The following AKAP6 variants were observed in gnomAD, a reference collection of about 807,000 sequenced individuals.
The protein encoded by AKAP6 is A-kinase anchoring protein 6, also known as A-kinase anchor protein 6.
A neutral mutation model predicts 188.5 loss-of-function variants in AKAP6; 58 were observed. The ratio of observed to expected loss-of-function variants is 0.31; its 90% CI spans 0.25 to 0.38. AKAP6 has a LOEUF of 0.38. Ranked by LOEUF, AKAP6 falls within the 10% of genes least tolerant of loss-of-function variation. The pLI is 1.00. For synonymous variants in AKAP6, 989 were observed against 998.6 expected (o/e 0.99, Z 0.18); for missense variants, 2,710 against 2,740.0 (o/e 0.99, Z 0.24).
At chr14:32,387,732 G>A (rs903234148) in intron 1 of AKAP6, among the ~76,000 whole-genome samples, 2 of 150,738 alleles carry the variant, frequency 1.3e-5, no homozygotes, top group Non-Finnish European at 3.0e-5. Context: ...AGATGTTGTT[G>A]GATTCAGTTA....
At chr14:32,494,322 G>A (rs1880195753) in intron 2 of AKAP6, 1 of 152,284 alleles carries the variant, frequency 6.6e-6, no homozygotes, top group South Asian at 2.1e-4. Context: ...AATTTATCCT[G>A]TGTTACTTCT....
intron 5 of AKAP6, among the ~76,000 whole-genome samples, chr14:32,581,479 G>T (rs1884963252): frequency 6.6e-6 from 1 of 152,090 alleles, no homozygotes; most frequent in Non-Finnish European, 1.5e-5. Flanking sequence ...TGTTGATTTG[G>T]GGTGGAGAGT....
chr14:32,695,561 G>A (rs1383923260), intron 8 of AKAP6, among the ~76,000 whole-genome samples: 1 of 152,070 alleles, frequency 6.6e-6, no homozygotes, highest in East Asian at 1.9e-4. Flanking sequence ...ATCTAGTAGA[G>A]GGGAAAGGGG....
intron 2 of AKAP6, among the ~76,000 whole-genome samples, chr14:32,440,807 T>C (rs1232423866): frequency 6.6e-6 from 1 of 152,230 alleles, no homozygotes; most frequent in African/African-American, 2.4e-5. Flanking sequence ...ATGAGGATGG[T>C]AACATTTATT....
chr14:32,692,259 TA>T (rs1467175491), intron 8 of AKAP6, among the ~76,000 whole-genome samples: 9 of 152,104 alleles, frequency 5.9e-5, no homozygotes, highest in Non-Finnish European at 1.3e-4. Context: ...ATAAGGAGAA[TA>T]ATAGAAGGAA....
chr14:32,790,272 A>G (rs1408371600), intron 12 of AKAP6, among the ~76,000 whole-genome samples: 1 of 152,192 alleles, frequency 6.6e-6, no homozygotes, highest in African/African-American at 2.4e-5. Context: ...AGACAGGGAG[A>G]ATGGAACCAA....
Position 32,821,955 on chromosome 14 carries a change from G to C in AKAP6, c.4142G>C (p.Cys1381Ser), listed in dbSNP as rs1566735783. Residue 1381 changes from cysteine to serine, a missense_variant, in exon 13 of 14, where the codon TGC (cysteine) becomes TCC (serine). Physicochemically the swap from Cys to Ser is moderately radical, Grantham distance 112. Around this residue, in one of 2 missense-constraint regions of AKAP6, gnomAD observed 2,473 missense variants for 2,426.1 expected, o/e 1.02. Coordinates refer to ENST00000280979, the MANE Select transcript of AKAP6 (RefSeq NM_004274.5). ...DTETTTNSEM[C>S]LLNAVDGSPS... ...GAAACCACTACCAACTCTGAAATGT[G>C]CTTGCTCAATGCAGTGGATGGGTCC... 2 of 1,613,932 alleles carry C rather than the reference G, an allele frequency of 1.2e-6. No homozygotes were observed. Among genetic ancestry groups the C allele is most frequent in the Admixed American group, 3.3e-5 (2 of 59,950 alleles).
At chr14:32,652,959 G>C (rs1888295202) in intron 7 of AKAP6, among the ~76,000 whole-genome samples, 1 of 152,128 alleles carries the variant, frequency 6.6e-6, no homozygotes, top group Non-Finnish European at 1.5e-5. Context: ...AGGCTGAGGT[G>C]GGAGGGTCAC....
At chr14:32,693,022 G>C (rs964627970) in intron 8 of AKAP6, among the ~76,000 whole-genome samples, 2 of 152,018 alleles carry the variant, frequency 1.3e-5, no homozygotes, top group African/African-American at 4.8e-5. Flanking sequence ...TTTTCTATTT[G>C]TCTCCATTCT....
intron 2 of AKAP6, among the ~76,000 whole-genome samples, chr14:32,466,422 T>C (rs1400005480): frequency 6.6e-6 from 1 of 152,158 alleles, no homozygotes; most frequent in Non-Finnish European, 1.5e-5. Context: ...TCATGTCCTT[T>C]GCAGGGACAT....
At chr14:32,576,666 T>C (rs1884732608) in intron 4 of AKAP6, among the ~76,000 whole-genome samples, 1 of 152,170 alleles carries the variant, frequency 6.6e-6, no homozygotes, top group Admixed American at 6.5e-5. Context: ...CTATGGCAAC[T>C]AAACTCCACA....
chr14:32,741,137 T>C (rs1239930083), intron 11 of AKAP6, among the ~76,000 whole-genome samples: 1 of 151,974 alleles, frequency 6.6e-6, no homozygotes, highest in Non-Finnish European at 1.5e-5. Context: ...TTTAGGCTAT[T>C]GTAAATGGTA....
chr14:32,509,774 C>T (rs1881079593), intron 2 of AKAP6, among the ~76,000 whole-genome samples: 1 of 152,106 alleles, frequency 6.6e-6, no homozygotes, highest in Non-Finnish European at 1.5e-5. Flanking sequence ...TCAGAACTCC[C>T]AGATTTGGTT....
intron 1 of AKAP6, among the ~76,000 whole-genome samples, chr14:32,420,136 A>G (rs1015800278): frequency 3.9e-5 from 6 of 152,164 alleles, no homozygotes; most frequent in Non-Finnish European, 7.4e-5. Context: ...CATACACAAC[A>G]GTCTCCAGCC....
intron 4 of AKAP6, among the ~76,000 whole-genome samples, chr14:32,560,445 T>C (rs2139205405): frequency 6.6e-6 from 1 of 152,320 alleles, no homozygotes; most frequent in Non-Finnish European, 1.5e-5. Flanking sequence ...TTATCAGTGA[T>C]GATTTAGCAC....
chr14:32,489,887 G>A (rs187422781), intron 2 of AKAP6, among the ~76,000 whole-genome samples: 343 of 152,358 alleles, frequency 2.3e-3, no homozygotes, highest in African/African-American at 8.0e-3. Context: ...GAGCAACATG[G>A]CTGTTTATTT....
chr14:32,761,696 T>C (rs1312541732), intron 11 of AKAP6, among the ~76,000 whole-genome samples: 1 of 152,168 alleles, frequency 6.6e-6, no homozygotes, highest in Non-Finnish European at 1.5e-5. Context: ...TTAATGTTAT[T>C]TCATACCCTT....
At chr14:32,782,367 C>T (rs1230198959) in intron 12 of AKAP6, among the ~76,000 whole-genome samples, 1 of 152,176 alleles carries the variant, frequency 6.6e-6, no homozygotes, top group Non-Finnish European at 1.5e-5. Flanking sequence ...TGTACAATTT[C>T]ACCATTTCTA....
chr14:32,545,959 A>G lies in AKAP6; in HGVS notation c.1306A>G (p.Lys436Glu), dbSNP rs1261991742. Residue 436 changes from lysine to glutamate, a missense_variant, in exon 4 of 14, where the codon AAA becomes GAA. By Grantham distance (56) the Lys-to-Glu change is moderately conservative. Transcript: ENST00000280979. Reference sequence around the variant, plus strand: ...GCTAGTAGATCCTCCTGACAGATCCAAACTTTGCCTGGTATTGCAGTCTTC... The same window carrying G: ...GCTAGTAGATCCTCCTGACAGATCCGAACTTTGCCTGGTATTGCAGTCTTC... ...PSLVDPPDRSKLCLVLQSSYP... is the reference protein window; with the variant it reads ...PSLVDPPDRSELCLVLQSSYP... 2 of 1,614,222 alleles carry G rather than the reference A, an allele frequency of 1.2e-6. No individual in the cohort carries two copies. The highest frequency in any genetic ancestry group is 4.5e-5 in the East Asian group (2 of 44,876).
Sources: gnomAD v4.1 joint callset for allele counts (sites outside exome capture counted in the v4.1 genomes callset) on GRCh38, gnomAD v4.1.1 for gene constraint, gnomAD v4.1.1 regional missense constraint, MANE v1.5 for transcripts, NCBI Gene and HGNC (gene_info 2026-07-23, HGNC 2026-07-21) for gene names.